The following PALD1 variants were observed in gnomAD, a reference collection of about 807,000 sequenced individuals.
PALD1 encodes the protein phosphatase domain containing paladin 1, also known as paladin.
A neutral mutation model predicts 96.0 loss-of-function variants in PALD1; 57 were observed. That is an observed-to-expected ratio of 0.59 (90% CI 0.48 to 0.74). The LOEUF is 0.74. Ranked by LOEUF, PALD1 falls within the 30% of genes least tolerant of loss-of-function variation. The pLI is 0.00. For synonymous variants in PALD1, 464 were observed against 473.6 expected (o/e 0.98, Z 0.26); for missense variants, 1,063 against 1,143.7 (o/e 0.93, Z 1.02).
At chr10:70,508,275 C>G (rs1053323938) in intron 1 of PALD1, among the ~76,000 whole-genome samples, 1 of 152,188 alleles carries the variant, frequency 6.6e-6, no homozygotes, top group Non-Finnish European at 1.5e-5. Flanking sequence ...CCTGCTCCCA[C>G]CCCCTGGTCC....
intron 1 of PALD1, among the ~76,000 whole-genome samples, chr10:70,479,579 A>C (rs943757784): frequency 6.6e-6 from 1 of 152,104 alleles, no homozygotes; most frequent in African/African-American, 2.4e-5. Context: ...TACGTTTTTC[A>C]GTTTCAGAGG....
intron 6 of PALD1, 104 bp from the exon 7 acceptor site, chr10:70,532,891 T>A: frequency 6.7e-7 from 1 of 1,502,186 alleles, no homozygotes; most frequent in South Asian, 1.2e-5. Flanking sequence ...CACACCCATG[T>A]CTCCCACAGT....
At chr10:70,529,104 C>T (rs2132360140) in intron 2 of PALD1, 125 bp from the exon 3 acceptor site, 2 of 614,756 alleles carry the variant, frequency 3.3e-6, no homozygotes, top group East Asian at 2.8e-5. Flanking sequence ...GGACAATGGG[C>T]AGTCTCTGCC....
chr10:70,475,073 C>T (rs941029431), upstream of PALD1, among the ~76,000 whole-genome samples: 3 of 152,178 alleles, frequency 2.0e-5, no homozygotes, highest in Non-Finnish European at 4.4e-5. Context: ...GTGCCAAGCA[C>T]CTTTTATCCT....
upstream of PALD1, among the ~76,000 whole-genome samples, chr10:70,473,780 G>A (rs1845790166): frequency 1.3e-5 from 2 of 152,086 alleles, no homozygotes; most frequent in African/African-American, 4.8e-5. Flanking sequence ...CAAGTAGCTG[G>A]GATTACAGGC....
chr10:70,498,418 C>A (rs1051296934), intron 1 of PALD1, among the ~76,000 whole-genome samples: 3 of 152,016 alleles, frequency 2.0e-5, no homozygotes, highest in Non-Finnish European at 4.4e-5. Flanking sequence ...TAGCTGGGAC[C>A]ACAGGAGTGT....
rs778373146 is a variant in PALD1, at chr10:70,533,010, C to A, written c.810C>A (p.Pro270=). 1 of 1,582,372 alleles carries A rather than the reference C, an allele frequency of 6.3e-7. No individual in the cohort carries two copies. Among genetic ancestry groups the A allele is most frequent in the East Asian group, 2.3e-5 (1 of 43,150 alleles). Residue 270 remains proline, a synonymous_variant, in exon 7 of 20, where the codon CCC becomes CCA. Transcript: ENST00000263563. Reference sequence around the variant, plus strand: ...CACCTGGCAGGTACCACCGCCTGCCCCTGCCCGAGCAAGGGAGTCCCCTGG... The same window carrying A: ...CACCTGGCAGGTACCACCGCCTGCCACTGCCCGAGCAAGGGAGTCCCCTGG... The part of the protein sequence containing the change: ...LQPTYRYHRL[P]LPEQGSPLEA...
At position 70,565,639 on chromosome 10, in the gene PALD1, A is replaced by G. The variant is rs569211764; in HGVS notation, c.2419-942A>G. Among the ~76,000 whole-genome samples, 6 of 152,164 alleles carry G rather than the reference A, an allele frequency of 3.9e-5. No individual in the cohort carries two copies. The East Asian group carries it at 1.2e-3, about 29-fold the overall frequency. On this transcript the variant is annotated intron_variant, in intron 19 of 19. Transcript: ENST00000263563. ...GCAGGCTTTGAGGGTGGGCCTTGGG[A>G]CGTCAGGTGGAGAAGCATTTGAAAT...
intron 1 of PALD1, among the ~76,000 whole-genome samples, 176 bp from the exon 2 acceptor site, chr10:70,525,747 G>A (rs1462157437): frequency 1.3e-5 from 2 of 152,164 alleles, no homozygotes; most frequent in African/African-American, 2.4e-5. Context: ...TATAGAGCAG[G>A]CACTCAGTGA....
chr10:70,529,208 G>GGCCCC, intron 2 of PALD1, 21 bp from the exon 3 acceptor site: 3 of 273,318 alleles, frequency 1.1e-5, no homozygotes, highest in Admixed American at 5.5e-5. Context: ...TTTCCATTCT[G>GGCCCC]CCCCCCCCCC....
chr10:70,527,798 A>ATTT (rs1564697630), intron 2 of PALD1, among the ~76,000 whole-genome samples: 1 of 151,524 alleles, frequency 6.6e-6, no homozygotes. Context: ...ACTTTTTTTA[A>ATTT]AATTTAAGTT....
chr10:70,538,195 G>A (rs1847154491), intron 11 of PALD1, 85 bp from the exon 12 acceptor site: 1 of 1,441,384 alleles, frequency 6.9e-7, no homozygotes, highest in African/African-American at 1.4e-5. Context: ...TATCTTTTGG[G>A]GCTTCCCCTG....
chr10:70,488,204 C>CTTAAT, intron 1 of PALD1, among the ~76,000 whole-genome samples: 1 of 152,088 alleles, frequency 6.6e-6, no homozygotes, highest in South Asian at 2.1e-4. Context: ...TCACTGCAGC[C>CTTAAT]TTAACTTCTG....
intron 18 of PALD1, among the ~76,000 whole-genome samples, chr10:70,548,523 A>G (rs1847414102): frequency 6.6e-6 from 1 of 152,040 alleles, no homozygotes; most frequent in African/African-American, 2.4e-5. Context: ...TCTCTGGCCC[A>G]TTGAATCTGA....
chr10:70,549,796 T>C (rs555270478), intron 18 of PALD1, among the ~76,000 whole-genome samples: 1 of 152,270 alleles, frequency 6.6e-6, no homozygotes, highest in East Asian at 1.9e-4. Context: ...CTGTTGGCAT[T>C]GGAGAAGGAA....
chr10:70,468,392 C>T, the PALD1 span, among the ~76,000 whole-genome samples: 14 of 151,918 alleles, frequency 9.2e-5, no homozygotes, highest in Admixed American at 7.9e-4. Flanking sequence ...TATAGGTGCC[C>T]GACACCATGC....
chr10:70,474,623 C>T (rs1473219847), upstream of PALD1, among the ~76,000 whole-genome samples: 1 of 152,168 alleles, frequency 6.6e-6, no homozygotes, highest in Non-Finnish European at 1.5e-5. Flanking sequence ...GAATAACACA[C>T]ATTCACATAT....
intron 17 of PALD1, among the ~76,000 whole-genome samples, chr10:70,546,798 G>T (rs1387257222): frequency 1.3e-5 from 2 of 152,120 alleles, no homozygotes; most frequent in Non-Finnish European, 2.9e-5. Flanking sequence ...AAAAGTACAA[G>T]ATATTAGCCA....
the PALD1 span, among the ~76,000 whole-genome samples, chr10:70,460,842 G>C: frequency 4.6e-5 from 7 of 152,028 alleles, no homozygotes; most frequent in African/African-American, 1.7e-4. Flanking sequence ...GATCACCTGA[G>C]GTCAAGAGTT....
Sources: allele counts gnomAD v4.1 joint callset (sites outside exome capture counted in the v4.1 genomes callset), GRCh38; gene constraint gnomAD v4.1.1; transcripts MANE v1.5; gene names NCBI Gene and HGNC (gene_info 2026-07-23, HGNC 2026-07-21).